Variants in POLQ observed in about 807,000 individuals in gnomAD.
POLQ encodes the protein DNA polymerase theta.
POLQ carries 233 observed loss-of-function variants against 259.2 expected under a neutral mutation model. The observed-to-expected ratio is 0.90, with a 90% confidence interval of 0.81 to 1.00. The LOEUF is 1.00. POLQ is among the 50% of genes least tolerant of loss of function. The pLI is 0.00. For synonymous variants in POLQ, 1,025 were observed against 1,048.8 expected, an observed-to-expected ratio of 0.98 and a Z score of 0.44; for missense variants, 2,871 against 3,051.6, an observed-to-expected ratio of 0.94 and a Z score of 1.39.
intron 25 of POLQ, among the ~76,000 whole-genome samples, chr3:121,458,151 C>T (rs1229939123): frequency 2.6e-5 from 4 of 151,910 alleles, no homozygotes; most frequent in African/African-American, 4.8e-5. Flanking sequence ...AACCAAACAC[C>T]GCATGTTCTC....
chr3:121,488,794 C>T lies in POLQ; in HGVS notation c.4137G>A (p.Gln1379=), dbSNP rs747106324. The T allele has an allele frequency of 1.2e-6, 2 of 1,613,832 alleles. No homozygotes were observed. The highest frequency in any genetic ancestry group is 3.3e-5 in the Admixed American group (2 of 59,980). Residue 1379 remains glutamine, a synonymous_variant, in exon 16 of 30, where the codon CAG becomes CAA. Coordinates refer to ENST00000264233, the MANE Select transcript of POLQ (RefSeq NM_199420.4). ...KECHIPFPAE[Q]HPLGATKIDH... The stretch of plus-strand genomic sequence containing the variant: ...CTATCTTAGTCGCTCCTAGAGGGTG[C>T]TGTTCAGCAGGAAAAGGAATGTGAC...
At chr3:121,479,362 A>AAATGTGTG (rs140158750) in intron 19 of POLQ, among the ~76,000 whole-genome samples, 1 of 142,652 alleles carries the variant, frequency 7.0e-6, no homozygotes, top group African/African-American at 2.6e-5. Flanking sequence ...AAAAAAAAAA[A>AAATGTGTG]TGTGTGTGTG....
rs543161122 is a variant in POLQ at position 121,520,402 on chromosome 3, G to C, written c.1256-319C>G. Reference sequence around the variant, plus strand: ...AATATAAAAATTAGCTGTGCATGGTGGTGGGTGCCTGTAATCCCAGCTAAT... The same window carrying C: ...AATATAAAAATTAGCTGTGCATGGTCGTGGGTGCCTGTAATCCCAGCTAAT... On this transcript the variant is annotated intron_variant, in intron 8 of 29. Coordinates refer to ENST00000264233, the MANE Select transcript of POLQ (RefSeq NM_199420.4). 1.6e-4 allele frequency among the ~76,000 whole-genome samples: 25 copies of C among 152,226 alleles called. No homozygotes were observed. The East Asian group carries it at 2.7e-3, about 16-fold the overall frequency.
intron 4 of POLQ, among the ~76,000 whole-genome samples, chr3:121,538,094 CA>C (rs1273836413): frequency 5.3e-5 from 8 of 152,170 alleles, no homozygotes; most frequent in African/African-American, 1.9e-4. Flanking sequence ...AATGAAATAT[CA>C]AAGACATCTA....
chr3:121,480,788 A>T (rs756727928), intron 19 of POLQ, among the ~76,000 whole-genome samples: 3 of 152,258 alleles, frequency 2.0e-5, no homozygotes, highest in African/African-American at 4.8e-5. Context: ...CTTTATAAGA[A>T]CCAGACTTAC....
At chr3:121,486,589 C>T (rs975493337) in intron 16 of POLQ, among the ~76,000 whole-genome samples, 9 of 151,754 alleles carry the variant, frequency 5.9e-5, no homozygotes, top group Non-Finnish European at 1.0e-4. Flanking sequence ...TGGGGCTGGG[C>T]GCAGTGGCTC....
intron 24 of POLQ, among the ~76,000 whole-genome samples, chr3:121,460,549 T>C (rs2108784362): frequency 6.6e-6 from 1 of 152,334 alleles, no homozygotes; most frequent in South Asian, 2.1e-4. Flanking sequence ...TTCATGCCTC[T>C]CTTATTTTGC....
rs3218635 is a variant in POLQ at position 121,436,272 on chromosome 3, C to T, written c.7393G>A (p.Glu2465Lys). Reference sequence around the variant, plus strand: ...ACTATTGTGTTGATAGCTTGACGCTCAGCCTAGAAAAAACAATCAACAGGT... The same window carrying T: ...ACTATTGTGTTGATAGCTTGACGCTTAGCCTAGAAAAAACAATCAACAGGT... Reference protein sequence around the residue: ...DNNPYRKAHAERQAINTIVQG... With the variant: ...DNNPYRKAHAKRQAINTIVQG... Residue 2465 changes from glutamate (E) to lysine (K), a missense_variant, in exon 28 of 30, where the codon GAG (glutamate) becomes AAG (lysine). Glu to Lys is a moderately conservative substitution (Grantham distance 56). Around this residue, in one of 3 missense-constraint regions of POLQ, gnomAD observed 2,080 missense variants for 2,126.0 expected, o/e 0.98. Coordinates refer to ENST00000264233, the MANE Select transcript of POLQ (RefSeq NM_199420.4). The T allele has an allele frequency of 6.3e-4, 1,012 of 1,613,362 alleles. 1 individual carries two copies. Among genetic ancestry groups the T allele is most frequent in the Non-Finnish European group, 8.1e-4 (954 of 1,179,664 alleles).
rs866212991 is a variant in POLQ, at chr3:121,488,390, G to A, written c.4541C>T (p.Pro1514Leu). Reference sequence around the variant, plus strand: ...AAAATGGTTTGATGTTACTTCTGAAGGAAGGGGTTCTTTCATTTGCATATC... The same window carrying A: ...AAAATGGTTTGATGTTACTTCTGAAAGAAGGGGTTCTTTCATTTGCATATC... ...LPDMQMKEPL[P>L]SEVTSNHFSD... The change falls in exon 16 of 30, where the codon CCT (proline) becomes CTT (leucine). Residue 1514 changes from proline (P) to leucine (L), a missense_variant. By Grantham distance (98) the Pro-to-Leu change is moderately conservative. Around this residue, in one of 3 missense-constraint regions of POLQ, gnomAD observed 2,080 missense variants for 2,126.0 expected, o/e 0.98. Coordinates refer to ENST00000264233, the MANE Select transcript of POLQ (RefSeq NM_199420.4). 1.2e-6 allele frequency: 2 copies of A among 1,611,490 alleles called. No individual in the cohort carries two copies. The highest frequency in any genetic ancestry group is 3.3e-5 in the Admixed American group (2 of 59,994).
At chr3:121,539,104 C>T (rs999702023) in intron 4 of POLQ, among the ~76,000 whole-genome samples, 2 of 152,100 alleles carry the variant, frequency 1.3e-5, no homozygotes, top group African/African-American at 4.8e-5. Context: ...ATACACTAAC[C>T]ACAAAATGGC....
intron 25 of POLQ, among the ~76,000 whole-genome samples, chr3:121,451,290 T>A (rs1167016118): frequency 6.6e-6 from 1 of 152,248 alleles, no homozygotes. Context: ...TCTCAACTTG[T>A]CAAAGTTATT....
At chr3:121,492,592 A>T (rs1470340542) in intron 15 of POLQ, among the ~76,000 whole-genome samples, 2 of 152,132 alleles carry the variant, frequency 1.3e-5, no homozygotes, top group Admixed American at 1.3e-4. Context: ...TCAAAATCAA[A>T]ATTTAGCAAA....
chr3:121,515,900 C>G (rs1415298628), intron 9 of POLQ, among the ~76,000 whole-genome samples: 1 of 151,632 alleles, frequency 6.6e-6, no homozygotes, highest in Non-Finnish European at 1.5e-5. Context: ...CAATGAACTA[C>G]AAGGATATAT....
intron 20 of POLQ, 60 bp from the exon 21 acceptor site, chr3:121,473,547 A>T: frequency 7.2e-7 from 1 of 1,396,260 alleles, no homozygotes; most frequent in Non-Finnish European, 9.9e-7. Flanking sequence ...ATCATTCAGA[A>T]AATATTTTAA....
Position 121,513,439 on chromosome 3 carries a change from T to A in POLQ, c.1469-1410A>T, listed in dbSNP as rs546845759. 2.6e-4 allele frequency among the ~76,000 whole-genome samples: 39 copies of A among 150,652 alleles called. No individual in the cohort carries two copies. In the East Asian group the frequency reaches 7.5e-3, roughly 29 times the overall value. ...CAACATGGTGAAACCCCGCCTCTACTAAAAATACAAAAATTAGCTGGGCAT... is the reference window on the plus strand; with the variant it reads ...CAACATGGTGAAACCCCGCCTCTACAAAAAATACAAAAATTAGCTGGGCAT... On this transcript the variant is annotated intron_variant, in intron 9 of 29. Coordinates refer to ENST00000264233, the MANE Select transcript of POLQ (RefSeq NM_199420.4).
Position 121,529,678 on chromosome 3 carries a change from G to C in POLQ, c.1075C>G (p.Arg359Gly). 6.2e-7 allele frequency: 1 copy of C among 1,613,366 alleles called. No individual in the cohort carries two copies. Among genetic ancestry groups the C allele is most frequent in the Non-Finnish European group, 8.5e-7 (1 of 1,179,656 alleles). The change falls in exon 7 of 30, where the codon CGA becomes GGA. Residue 359 changes from arginine to glycine, a missense_variant. Coordinates refer to ENST00000264233, the MANE Select transcript of POLQ (RefSeq NM_199420.4). ...WCEKLADIIA[R>G]EFYNLHHQAE... is the part of the protein sequence containing the mutation. ...TGATGATGTAGATTATAAAACTCTC[G>C]AGCAATGATATCTGCCAGCTTCTCA...
At chr3:121,448,961 T>G (rs1213542058) in intron 26 of POLQ, among the ~76,000 whole-genome samples, 1 of 152,218 alleles carries the variant, frequency 6.6e-6, no homozygotes, top group Non-Finnish European at 1.5e-5. Flanking sequence ...CCTCGTATAT[T>G]TAATTAGCAA....
At chr3:121,468,495 A>G (rs1034627724) in intron 22 of POLQ, 64 bp from the exon 23 acceptor site, 3 of 1,166,744 alleles carry the variant, frequency 2.6e-6, no homozygotes, top group Non-Finnish European at 3.7e-6. Context: ...TCTTAACAGT[A>G]TTCACATTTC....
At chr3:121,531,296 G>A (rs1046473916) in intron 6 of POLQ, among the ~76,000 whole-genome samples, 2 of 152,174 alleles carry the variant, frequency 1.3e-5, no homozygotes, top group Admixed American at 1.3e-4. Context: ...GCCAGGGAAG[G>A]TCTAAGATGG....
Sources: allele counts gnomAD v4.1 joint callset (sites outside exome capture counted in the v4.1 genomes callset), GRCh38; gene constraint gnomAD v4.1.1; regional missense constraint gnomAD v4.1.1; transcripts MANE v1.5; gene names NCBI Gene and HGNC (gene_info 2026-07-23, HGNC 2026-07-21).